The following SHCBP1L variants were observed in gnomAD, a reference collection of about 807,000 sequenced individuals.
The protein encoded by SHCBP1L is testicular spindle-associated protein SHCBP1L.
A neutral mutation model predicts 62.5 loss-of-function variants in SHCBP1L; 67 were observed. That is an observed-to-expected ratio of 1.07 (90% CI 0.88 to 1.31). The LOEUF (loss-of-function observed/expected upper bound fraction) is 1.31, where lower values mean the gene tolerates loss of function less well. Among genes scored for constraint, SHCBP1L ranks in the 40% most tolerant of loss-of-function variants. SHCBP1L has a pLI of 0.00. For missense variants in SHCBP1L, 823 were observed against 809.8 expected, an observed-to-expected ratio of 1.02 and a Z score of -0.20; for synonymous variants, 284 against 289.4, an observed-to-expected ratio of 0.98 and a Z score of 0.19.
At chr1:182,944,957 C>CTTTTTTTTTTTTT (rs11309339) in intron 2 of SHCBP1L, among the ~76,000 whole-genome samples, 3 of 109,076 alleles carry the variant, frequency 2.8e-5, no homozygotes, top group African/African-American at 3.9e-5. Context: ...TTCTTTCTTT[C>CTTTTTTTTTTTTT]TTTTTTTTTT....
At chr1:182,943,275 AT>A (rs767553592) in intron 2 of SHCBP1L, among the ~76,000 whole-genome samples, 1,028 of 79,106 alleles carry the variant, frequency 0.013, 11 homozygotes, top group African/African-American at 0.037. Context: ...ACCATTCTTG[AT>A]TTTTTTTTTT....
chr1:182,926,989 G>A lies in SHCBP1L; in HGVS notation c.1182+2658C>T, dbSNP rs75983564. Reference sequence around the variant, plus strand: ...TAATTGGTTGAAAATCACCTAACTAGTAAGTGGCAAAACCAAGAATCCAGG... The same window carrying A: ...TAATTGGTTGAAAATCACCTAACTAATAAGTGGCAAAACCAAGAATCCAGG... On this transcript the variant is annotated intron_variant, in intron 6 of 9. Transcript: ENST00000367547. 1.4e-3 allele frequency among the ~76,000 whole-genome samples: 210 copies of A among 145,452 alleles called. 2 individuals are homozygous for A. The East Asian group carries it at 0.034, about 24-fold the overall frequency.
At chr1:182,951,904 C>A in intron 1 of SHCBP1L, 1 of 357,912 alleles carries the variant, frequency 2.8e-6, no homozygotes, top group Non-Finnish European at 5.6e-6. Flanking sequence ...CCTGTAATCC[C>A]AACACTTTGG....
At chr1:182,927,093 TATATATATATATATATATATA>T (rs1557998047) in intron 6 of SHCBP1L, among the ~76,000 whole-genome samples, 1 of 21,604 alleles carries the variant, frequency 4.6e-5, no homozygotes, top group Non-Finnish European at 9.4e-5. Flanking sequence ...TATATATATA[TATATATATATATATATATATA>T]CTCTCTCTCT....
chr1:182,940,788 T>C (rs971018413), intron 2 of SHCBP1L, among the ~76,000 whole-genome samples: 6 of 152,186 alleles, frequency 3.9e-5, no homozygotes, highest in Non-Finnish European at 8.8e-5. Flanking sequence ...CTACATTATT[T>C]GTTTCTAAGA....
At chr1:182,934,134 G>A (rs756896142) in intron 5 of SHCBP1L, among the ~76,000 whole-genome samples, 1 of 151,984 alleles carries the variant, frequency 6.6e-6, no homozygotes, top group Non-Finnish European at 1.5e-5. Context: ...CTATTCCTTT[G>A]TAATCCTTTT....
chr1:182,952,839 C>T lies in SHCBP1L; in HGVS notation c.295G>A (p.Asp99Asn), dbSNP rs758828102. Residue 99 changes from aspartate (D) to asparagine (N), a missense_variant, in exon 1 of 10, where the codon GAT becomes AAT. Physicochemically the swap from Asp to Asn is conservative, Grantham distance 23. Transcript: ENST00000367547. The stretch of plus-strand genomic sequence containing the variant: ...GGCAGGGGCTGCGCCTCCTCTTCAT[C>T]CTCAGGCACTGGCAGCAGGGGCTCC... ...AEEPLLPVPE[D>N]EEEAQPLPPV... The T allele has an allele frequency of 6.2e-7, 1 of 1,611,712 alleles. No homozygotes were observed. The highest frequency in any genetic ancestry group is 8.5e-7 in the Non-Finnish European group (1 of 1,179,354).
intron 2 of SHCBP1L, among the ~76,000 whole-genome samples, chr1:182,949,194 A>C (rs991188861): frequency 6.6e-6 from 1 of 152,016 alleles, no homozygotes; most frequent in Non-Finnish European, 1.5e-5. Context: ...CTAAGACACC[A>C]TCATCCATTT....
chr1:182,939,268 T>C lies in SHCBP1L; in HGVS notation c.984A>G (p.Pro328=), dbSNP rs1033687432. The C allele has an allele frequency of 1.2e-6, 2 of 1,613,912 alleles. No homozygotes were observed. Among genetic ancestry groups the C allele is most frequent in the Non-Finnish European group, 1.7e-6 (2 of 1,179,964 alleles). ...IEYQSNIKED[P]SAAEAVECWK... is the part of the protein sequence containing the mutation. ...AGCATTCAACAGCCTCTGCTGCAGA[T>C]GGATCTTCTTTAATATTGCTCTGAT... is the stretch of plus-strand genomic sequence containing the variant. Residue 328 remains proline (P), a synonymous_variant, in exon 5 of 10, where the codon CCA becomes CCG. Coordinates refer to ENST00000367547, the MANE Select transcript of SHCBP1L (RefSeq NM_030933.4).
chr1:182,924,978 A>AAAGAAAGAAAGAAAGAAAGAAAG (rs1341515340), intron 6 of SHCBP1L, among the ~76,000 whole-genome samples: 36 of 72,632 alleles, frequency 5.0e-4, no homozygotes, highest in African/African-American at 2.4e-3. Context: ...AAGAAAGAAA[A>AAAGAAAGAAAGAAAGAAAGAAAG]AAAAAGGAAG....
intron 2 of SHCBP1L, chr1:182,944,503 CAA>C (rs201325413): frequency 7.0e-5 from 9 of 128,486 alleles, no homozygotes; most frequent in African/African-American, 8.4e-5. Flanking sequence ...TACTCAGTCT[CAA>C]AAAAAAAAAA....
intron 6 of SHCBP1L, among the ~76,000 whole-genome samples, chr1:182,922,823 C>G (rs1018382807): frequency 6.6e-6 from 1 of 152,042 alleles, no homozygotes; most frequent in African/African-American, 2.4e-5. Flanking sequence ...AATTGACAAC[C>G]TAACATCACA....
chr1:182,919,975 T>G (rs1267939831), intron 6 of SHCBP1L, among the ~76,000 whole-genome samples: 1 of 151,948 alleles, frequency 6.6e-6, no homozygotes, highest in Non-Finnish European at 1.5e-5. Flanking sequence ...CCAGCACACA[T>G]GCATGCACAC....
intron 6 of SHCBP1L, among the ~76,000 whole-genome samples, chr1:182,920,178 T>A (rs1183937643): frequency 6.6e-6 from 1 of 152,154 alleles, no homozygotes; most frequent in Non-Finnish European, 1.5e-5. Flanking sequence ...ATCGAAGTGT[T>A]GTTACCAGCA....
intron 5 of SHCBP1L, among the ~76,000 whole-genome samples, chr1:182,932,780 C>A (rs981041425): frequency 2.0e-5 from 3 of 152,152 alleles, no homozygotes; most frequent in African/African-American, 7.2e-5. Flanking sequence ...CAGGCGTGAG[C>A]CATCCTGCTC....
At chr1:182,939,988 C>G (rs1571355999) in intron 3 of SHCBP1L, among the ~76,000 whole-genome samples, 1 of 151,238 alleles carries the variant, frequency 6.6e-6, no homozygotes, top group East Asian at 1.9e-4. Flanking sequence ...ATTTGTAATG[C>G]CTTTAAATTT....
chr1:182,924,920 AAGG>A (rs1176812386), intron 6 of SHCBP1L, among the ~76,000 whole-genome samples: 202 of 98,648 alleles, frequency 2.0e-3, no homozygotes, highest in African/African-American at 9.0e-3. Flanking sequence ...AAAGGAAAGG[AAGG>A]AAGGAAGGAA....
intron 5 of SHCBP1L, among the ~76,000 whole-genome samples, chr1:182,932,516 T>G (rs1296607664): frequency 6.6e-6 from 1 of 150,862 alleles, no homozygotes; most frequent in Admixed American, 6.6e-5. Context: ...AGTCTCGCTC[T>G]GTTGCCAAGG....
chr1:182,932,770 C>T (rs1420854508), intron 5 of SHCBP1L, among the ~76,000 whole-genome samples: 2 of 152,118 alleles, frequency 1.3e-5, no homozygotes, highest in East Asian at 3.8e-4. Context: ...GCTGGGATTA[C>T]AGGCGTGAGC....
Sources: allele counts gnomAD v4.1 joint callset (sites outside exome capture counted in the v4.1 genomes callset), GRCh38; gene constraint gnomAD v4.1.1; transcripts MANE v1.5; gene names NCBI Gene and HGNC (gene_info 2026-07-23, HGNC 2026-07-21).